The following CELSR2 variants were observed in gnomAD, a reference collection of about 807,000 sequenced individuals.
The protein encoded by CELSR2 is EGF-like protein 2.
CELSR2 carries 81 observed loss-of-function variants against 251.6 expected under a neutral mutation model. That is an observed-to-expected ratio of 0.32 (90% CI 0.27 to 0.39). CELSR2 has a LOEUF of 0.39. Among genes scored for constraint, CELSR2 ranks in the 10% least tolerant of loss-of-function variants. CELSR2 has a pLI of 1.00. For missense variants in CELSR2, 3,365 were observed against 3,947.7 expected, an observed-to-expected ratio of 0.85 and a Z score of 3.96; for synonymous variants, 1,721 against 1,670.5, an observed-to-expected ratio of 1.03 and a Z score of -0.74.
At position 109,252,456 on chromosome 1, in the gene CELSR2, C is replaced by T. The variant is rs1260823386; in HGVS notation, c.2377C>T (p.Pro793Ser). 3 of 1,613,748 alleles carry T rather than the reference C, an allele frequency of 1.9e-6. No homozygotes were observed. The highest frequency in any genetic ancestry group is 1.6e-4 in the Middle Eastern group (1 of 6,062). ...CATTACTGCTCGGGACAATGGCATT[C>T]CCCAGAAGTCCGACACCACCTACCT... ...LAITARDNGI[P>S]QKSDTTYLEI... is the part of the protein sequence containing the mutation. Residue 793 changes from proline (P) to serine (S), a missense_variant, in exon 1 of 34, where the codon CCC (proline) becomes TCC (serine). Coordinates refer to ENST00000271332, the MANE Select transcript of CELSR2 (RefSeq NM_001408.3). The surrounding 1 kb of genome is among the most constrained non-coding windows in gnomAD (Gnocchi z 4.8).
Position 109,261,779 on chromosome 1 carries a change from C to T in CELSR2, c.4298-29C>T. On this transcript the variant is annotated intron_variant, in intron 4 of 33. Transcript: ENST00000271332. This position sits in a 1 kb window ranked among gnomAD's most constrained non-coding sequence, Gnocchi z 4.8. ...CCTGCCATTCCTAGCCCTCGTCAGGCATTCCAGCTCACCTGGTCCTTTCCC... is the reference window on the plus strand; with the variant it reads ...CCTGCCATTCCTAGCCCTCGTCAGGTATTCCAGCTCACCTGGTCCTTTCCC... 1 of 1,573,296 alleles carries T rather than the reference C, an allele frequency of 6.4e-7. No individual in the cohort carries two copies.
Position 109,249,774 on chromosome 1 carries a change from G to T in CELSR2, c.-306G>T, listed in dbSNP as rs2101226153. On this transcript the variant is annotated 5_prime_UTR_variant, in exon 1 of 34. Coordinates refer to ENST00000271332, the MANE Select transcript of CELSR2 (RefSeq NM_001408.3). ...GAACCCGGGGCCCGGCAAGGCCAGG[G>T]GCGCCGCGGGGCCCCCGGGCGCAGG... Among the ~76,000 whole-genome samples, 1 of 149,892 alleles carries T rather than the reference G, an allele frequency of 6.7e-6. No individual in the cohort carries two copies. Among genetic ancestry groups the T allele is most frequent in the Non-Finnish European group, 1.5e-5 (1 of 67,124 alleles).
chr1:109,273,895 T>C (rs1656450492), intron 33 of CELSR2, 127 bp from the exon 34 acceptor site: 1 of 1,329,688 alleles, frequency 7.5e-7, no homozygotes, highest in South Asian at 1.2e-5. Flanking sequence ...TAGGGCAGAG[T>C]GCGGGAGGAT....
rs1257400034 is a variant in CELSR2 at position 109,252,416 on chromosome 1, G to T, written c.2337G>T (p.Val779=). 3 of 1,613,268 alleles carry T rather than the reference G, an allele frequency of 1.9e-6. No homozygotes were observed. The highest frequency in any genetic ancestry group is 2.5e-6 in the Non-Finnish European group (3 of 1,180,030). ...CTGAGCTGGACTATGAAGACCAAGT[G>T]TCTTACACCCTGGCCATTACTGCTC... ...TQAELDYEDQ[V]SYTLAITARD... is the part of the protein sequence containing the mutation. Residue 779 remains valine (V), a synonymous_variant, in exon 1 of 34, where the codon GTG becomes GTT. Transcript: ENST00000271332. This position sits in a 1 kb window ranked among gnomAD's most constrained non-coding sequence, Gnocchi z 4.8.
Position 109,253,067 on chromosome 1 carries a change from C to T in CELSR2, c.2988C>T (p.Ile996=). The change falls in exon 1 of 34, where the codon ATC becomes ATT. Residue 996 remains isoleucine (I), a synonymous_variant. Coordinates refer to ENST00000271332, the MANE Select transcript of CELSR2 (RefSeq NM_001408.3). The part of the protein sequence containing the change: ...YEDRPEYVLV[I]QATSAPLVSR... The stretch of plus-strand genomic sequence containing the variant: ...ACCGGCCTGAGTACGTCCTGGTCAT[C>T]CAGGCCACGTCAGCTCCTCTGGTGA... 1 of 1,613,534 alleles carries T rather than the reference C, an allele frequency of 6.2e-7. No homozygotes were observed. Among genetic ancestry groups the T allele is most frequent in the Non-Finnish European group, 8.5e-7 (1 of 1,180,040 alleles).
intron 33 of CELSR2, 154 bp downstream of exon 33, chr1:109,273,824 A>C (rs1488507181): frequency 2.6e-5 from 26 of 998,210 alleles, no homozygotes; most frequent in Non-Finnish European, 3.5e-5. Context: ...CCGTGCCCAC[A>C]AACCATGGTG....
At chr1:109,262,187 G>A in intron 5 of CELSR2, 100 bp from the exon 6 acceptor site, 1 of 1,497,024 alleles carries the variant, frequency 6.7e-7, no homozygotes, top group Non-Finnish European at 9.0e-7. Flanking sequence ...ACGTGTGTCT[G>A]GGCATGTGGG....
chr1:109,273,988 C>T, intron 33 of CELSR2, 34 bp from the exon 34 acceptor site: 1 of 1,613,324 alleles, frequency 6.2e-7, no homozygotes, highest in Non-Finnish European at 8.5e-7. Flanking sequence ...CCTCTGTCTG[C>T]CTTTTCTGCC....
In CELSR2 at chr1:109,264,625, C is replaced by A; in HGVS notation, c.5461C>A (p.Pro1821Thr). ...GGACAGCTATTCCTGCAGCTGTGAT[C>A]CAGGTATGCTAAGGATCCAGGGCAA... ...DWDSYSCSCD[P>T]GYYGDNCTNV... The change falls in exon 11 of 34, where the codon CCA becomes ACA. Residue 1821 changes from proline (P) to threonine (T), a missense_variant. By Grantham distance (38) the Pro-to-Thr change is conservative. Coordinates refer to ENST00000271332, the MANE Select transcript of CELSR2 (RefSeq NM_001408.3). The A allele has an allele frequency of 6.2e-7, 1 of 1,610,658 alleles. No individual in the cohort carries two copies. The highest frequency in any genetic ancestry group is 8.5e-7 in the Non-Finnish European group (1 of 1,177,108).
chr1:109,258,499 C>T lies in CELSR2; in HGVS notation c.3378C>T (p.Thr1126=), dbSNP rs684138. ...RVTIITDEML[T]HSITLRLEDM... ...CCATCATCACCGATGAGATGCTCAC[C>T]CACAGCATCACGCTGCGCCTGGAGG... The change falls in exon 2 of 34, where the codon ACC becomes ACT. Residue 1126 remains threonine, a synonymous_variant. Transcript: ENST00000271332. The T allele has an allele frequency of 0.1, 159,676 of 1,601,166 alleles. 9,868 individuals carry two copies. Among genetic ancestry groups the T allele is most frequent in the African/African-American group, 0.28 (20,802 of 74,694 alleles).
At chr1:109,267,223 G>T (rs891087269) in intron 15 of CELSR2, among the ~76,000 whole-genome samples, 13 of 152,094 alleles carry the variant, frequency 8.5e-5, no homozygotes, top group African/African-American at 3.1e-4. Context: ...CCAGGATGGG[G>T]GCTGGCGCTG....
Position 109,268,781 on chromosome 1 carries a change from G to A in CELSR2, c.6502+17G>A. On this transcript the variant is annotated intron_variant, in intron 18 of 33. Transcript: ENST00000271332. ...CCAACATTGGTAAGGCTGGTGCCTG[G>A]GTTGGGGAGGGGTTTGTGGAGGGAG... 6.3e-7 allele frequency: 1 copy of A among 1,588,724 alleles called. No individual in the cohort carries two copies. The highest frequency in any genetic ancestry group is 1.3e-5 in the African/African-American group (1 of 74,652).
At position 109,262,887 on chromosome 1, in the gene CELSR2, C is replaced by T. The variant is rs1656058068; in HGVS notation, c.4626C>T (p.Phe1542=). ...GCTTCCCAGTCCGAATGCGGCAGTT[C>T]GTGGGCTGCATGCGGAACCTGCAGG... The part of the protein sequence containing the change: ...PESFPVRMRQ[F]VGCMRNLQVD... Residue 1542 remains phenylalanine, a synonymous_variant, in exon 7 of 34, where the codon TTC becomes TTT. Coordinates refer to ENST00000271332, the MANE Select transcript of CELSR2 (RefSeq NM_001408.3). The T allele has an allele frequency of 8.1e-6, 13 of 1,613,836 alleles. No individual in the cohort carries two copies. The East Asian group carries it at 1.3e-4, about 17-fold the overall frequency.
intron 12 of CELSR2, 64 bp from the exon 13 acceptor site, chr1:109,265,127 G>A: frequency 1.3e-6 from 2 of 1,582,988 alleles, no homozygotes; most frequent in African/African-American, 2.7e-5. Context: ...GGCCACATAG[G>A]GCTCACCTAG....
rs778275668 is a variant in CELSR2, at chr1:109,262,925, A to C, written c.4664A>C (p.His1555Pro). The change falls in exon 7 of 34, where the codon CAC becomes CCC. Residue 1555 changes from histidine to proline, a missense_variant. Around this residue, in one of 5 missense-constraint regions of CELSR2, gnomAD observed 2,093 missense variants for 2,382.8 expected, o/e 0.88. Transcript: ENST00000271332. ...CMRNLQVDSR[H>P]IDMADFIANN... ...CGGAACCTGCAGGTGGACAGCCGGC[A>C]CATAGACATGGCTGACTTCATTGCC... The C allele has an allele frequency of 4.3e-6, 7 of 1,613,744 alleles. No individual in the cohort carries two copies. Among genetic ancestry groups the C allele is most frequent in the East Asian group, 2.2e-5 (1 of 44,900 alleles).
At position 109,268,871 on chromosome 1, in the gene CELSR2, C is replaced by A; in HGVS notation, c.6503-9C>A. 2 of 1,599,050 alleles carry A rather than the reference C, an allele frequency of 1.3e-6. No individual in the cohort carries two copies. Among genetic ancestry groups the A allele is most frequent in the South Asian group, 2.2e-5 (2 of 90,302 alleles). ...CACAGGTCCGATCTGTGACCATCCC[C>A]TTCCTTAGTCATCTCCGTAGTGCGC... On this transcript the variant is annotated splice_polypyrimidine_tract_variant and intron_variant, in intron 18 of 33. Coordinates refer to ENST00000271332, the MANE Select transcript of CELSR2 (RefSeq NM_001408.3).
intron 8 of CELSR2, 71 bp downstream of exon 8, chr1:109,263,338 C>A (rs1656079368): frequency 1.3e-6 from 2 of 1,522,546 alleles, no homozygotes; most frequent in Non-Finnish European, 1.8e-6. Context: ...AGGGTTGGGG[C>A]AGGCACTGGG....
intron 1 of CELSR2, among the ~76,000 whole-genome samples, chr1:109,255,277 G>C (rs1302316271): frequency 6.6e-6 from 1 of 152,162 alleles, no homozygotes; most frequent in Admixed American, 6.5e-5. Flanking sequence ...TGCCCATGCG[G>C]AGCCCTGCAG....
Position 109,250,427 on chromosome 1 carries a change from C to T in CELSR2, c.348C>T (p.Leu116=). Residue 116 remains leucine (L), a synonymous_variant, in exon 1 of 34, where the codon CTC becomes CTT. Transcript: ENST00000271332. The surrounding 1 kb of genome is among the most constrained non-coding windows in gnomAD (Gnocchi z 4.4). ...APEGCPWSCR[L]LGIGGHLSPQ... The stretch of plus-strand genomic sequence containing the variant: ...AAGGCTGCCCCTGGAGCTGTCGCCT[C>T]CTGGGCATTGGAGGCCACCTTTCCC... 1 of 1,613,718 alleles carries T rather than the reference C, an allele frequency of 6.2e-7. No individual in the cohort carries two copies.
Sources: gnomAD v4.1 joint callset for allele counts (sites outside exome capture counted in the v4.1 genomes callset) on GRCh38, gnomAD v4.1.1 for gene constraint, gnomAD v4.1.1 regional missense constraint, Gnocchi (gnomAD v3.1) non-coding constraint, MANE v1.5 for transcripts, NCBI Gene and HGNC (gene_info 2026-07-23, HGNC 2026-07-21) for gene names.